The following WDR64 variants were observed in gnomAD, a reference collection of about 807,000 sequenced individuals.
The protein encoded by WDR64 is WD repeat-containing protein 64.
In WDR64, 112 loss-of-function variants were observed where a neutral mutation model predicts 139.3. That is an observed-to-expected ratio of 0.80 (90% CI 0.69 to 0.94). WDR64 has a LOEUF of 0.94. Among genes scored for constraint, WDR64 ranks in the 40% least tolerant of loss-of-function variants. The pLI is 0.00. For synonymous variants in WDR64, 444 were observed against 437.7 expected (o/e 1.01, Z -0.18); for missense variants, 1,206 against 1,293.1 (o/e 0.93, Z 1.03).
intron 13 of WDR64, 97 bp from the exon 14 acceptor site, chr1:241,749,450 G>C: frequency 2.9e-6 from 4 of 1,386,466 alleles, no homozygotes; most frequent in Non-Finnish European, 4.0e-6. Flanking sequence ...TAAATTGTTG[G>C]CAGAAAGCTT....
chr1:241,750,337 C>T (rs1437339537), intron 14 of WDR64, among the ~76,000 whole-genome samples: 1 of 152,192 alleles, frequency 6.6e-6, no homozygotes, highest in Non-Finnish European at 1.5e-5. Flanking sequence ...AACTCAAGAA[C>T]TCATTGCCTT....
intron 9 of WDR64, among the ~76,000 whole-genome samples, chr1:241,721,748 T>A (rs1668619996): frequency 6.6e-6 from 1 of 152,188 alleles, no homozygotes; most frequent in Non-Finnish European, 1.5e-5. Context: ...AAAAATATTC[T>A]ATGTTTTGTA....
chr1:241,775,231 A>G (rs1290098828), intron 21 of WDR64, 21 bp downstream of exon 21: 5 of 1,533,578 alleles, frequency 3.3e-6, no homozygotes, highest in Admixed American at 4.0e-5. Context: ...ACTCTTAGAC[A>G]TTCAGTGACA....
chr1:241,676,537 A>G, intron 4 of WDR64: 1 of 152,180 alleles, frequency 6.6e-6, no homozygotes, highest in East Asian at 1.9e-4. Flanking sequence ...AAATAATAGG[A>G]GAAGGAAAAT....
In WDR64 at chr1:241,715,810, C is replaced by A. The variant is rs576473932; in HGVS notation, c.1054+3929C>A. Among the ~76,000 whole-genome samples, 83 of 152,194 alleles carry A rather than the reference C, an allele frequency of 5.5e-4. 1 individual carries two copies. The highest frequency in any genetic ancestry group is 2.0e-3 in the African/African-American group (83 of 41,508). ...GGCTTTGTAATCTTAGTATTTTAATCATTTCTGGGGGAAAAATGTGTTTGG... is the reference window on the plus strand; with the variant it reads ...GGCTTTGTAATCTTAGTATTTTAATAATTTCTGGGGGAAAAATGTGTTTGG... On this transcript the variant is annotated intron_variant, in intron 9 of 27. Transcript: ENST00000437684.
At chr1:241,787,097 G>A (rs2148323842) in intron 23 of WDR64, among the ~76,000 whole-genome samples, 2 of 152,000 alleles carry the variant, frequency 1.3e-5, no homozygotes, top group Middle Eastern at 6.8e-3. Context: ...GCTCACACCT[G>A]TAATCCCAGC....
rs1190607260 is a variant in WDR64 at position 241,801,156 on chromosome 1, A to C, written c.3217A>C (p.Lys1073Gln). ...EKAPRRRSLK[K>Q]NLVPQINLAS... The stretch of plus-strand genomic sequence containing the variant: ...GGCACCACGAAGAAGAAGTTTGAAA[A>C]AAAATTTAGTCCCACAAATAAATCT... Residue 1073 changes from lysine to glutamine, a missense_variant, in exon 28 of 28, where the codon AAA becomes CAA. Coordinates refer to ENST00000437684, the MANE Select transcript of WDR64 (RefSeq NM_001367482.1). 1 of 1,613,644 alleles carries C rather than the reference A, an allele frequency of 6.2e-7. No homozygotes were observed. The highest frequency in any genetic ancestry group is 8.5e-7 in the Non-Finnish European group (1 of 1,179,784).
In WDR64 at chr1:241,696,113, C is replaced by CAAAAAAAAAAAAAAA. The variant is rs541301982; in HGVS notation, c.974+8532_974+8546dup. Among the ~76,000 whole-genome samples the CAAAAAAAAAAAAAAA allele has an allele frequency of 4.7e-3, 106 of 22,320 alleles. 32 individuals are homozygous for CAAAAAAAAAAAAAAA. Among genetic ancestry groups the CAAAAAAAAAAAAAAA allele is most frequent in the African/African-American group, 0.014 (98 of 7,166 alleles). The allele number at this position is 22,320 out of a possible 152,430, so 14.6% of individuals were successfully genotyped here. A position where few individuals can be genotyped will look rare whatever the true frequency, so the allele number is the denominator to read the frequency against. On this transcript the variant is annotated intron_variant, in intron 8 of 27. Transcript: ENST00000437684. ...TGTGGAATGGAATGAGACCCAGTATCAAAAAAAAAAAAAAAAAAAAAAAAA... is the reference window on the plus strand; with the variant it reads ...TGTGGAATGGAATGAGACCCAGTATCAAAAAAAAAAAAAAAAAAAAAAAAAAAAAAAAAAAAAAAA...
At position 241,801,361 on chromosome 1, in the gene WDR64, T is replaced by C. The variant is rs945124679; in HGVS notation, c.*146T>C. On this transcript the variant is annotated 3_prime_UTR_variant, in exon 28 of 28. Coordinates refer to ENST00000437684, the MANE Select transcript of WDR64 (RefSeq NM_001367482.1). ...CCATCCTATTGATGGGAAAGATTGCTTAGGGAGTTCTGGTGACCTTAACTC... is the reference window on the plus strand; with the variant it reads ...CCATCCTATTGATGGGAAAGATTGCCTAGGGAGTTCTGGTGACCTTAACTC... The C allele has an allele frequency of 1.5e-6, 1 of 670,560 alleles. No homozygotes were observed. The highest frequency in any genetic ancestry group is 2.5e-6 in the Non-Finnish European group (1 of 402,658). The allele number at this position is 670,560 out of a possible 1,614,324, so 41.5% of individuals were successfully genotyped here. A position where few individuals can be genotyped will look rare whatever the true frequency, so the allele number is the denominator to read the frequency against.
intron 24 of WDR64, 97 bp from the exon 25 acceptor site, chr1:241,790,494 A>T: frequency 1.0e-6 from 1 of 1,002,098 alleles, no homozygotes; most frequent in Non-Finnish European, 1.5e-6. Context: ...AGGAACCAAG[A>T]AATGTGGGCA....
rs182503920 is a variant in WDR64, at chr1:241,689,970, A to G, written c.974+2375A>G. Among the ~76,000 whole-genome samples, 614 of 152,264 alleles carry G rather than the reference A, an allele frequency of 4.0e-3. 4 individuals are homozygous for G. The highest frequency in any genetic ancestry group is 0.014 in the African/African-American group (585 of 41,542). On this transcript the variant is annotated intron_variant, in intron 8 of 27. Coordinates refer to ENST00000437684, the MANE Select transcript of WDR64 (RefSeq NM_001367482.1). The stretch of plus-strand genomic sequence containing the variant: ...CCAAAAACTGTGGGCAACTGTGAAA[A>G]GTGTAACATATGTGTGATGAGAACA...
chr1:241,771,736 A>G, intron 19 of WDR64, 39 bp downstream of exon 19: 2 of 1,371,982 alleles, frequency 1.5e-6, no homozygotes, highest in South Asian at 2.0e-5. Context: ...TAATAAAGCA[A>G]CTCCTTTGCA....
chr1:241,766,703 T>TAAA (rs33937120), intron 16 of WDR64, among the ~76,000 whole-genome samples: 1 of 132,380 alleles, frequency 7.6e-6, no homozygotes. Context: ...AAACTCAGTA[T>TAAA]AAAAAAAAAA....
chr1:241,733,514 A>G (rs1012615337), intron 10 of WDR64, among the ~76,000 whole-genome samples: 15 of 143,228 alleles, frequency 1.0e-4, no homozygotes, highest in Non-Finnish European at 2.1e-4. Flanking sequence ...GAGAATCATC[A>G]TTATTATTTT....
At chr1:241,777,480 C>T (rs1658695975) in intron 21 of WDR64, among the ~76,000 whole-genome samples, 1 of 150,842 alleles carries the variant, frequency 6.6e-6, no homozygotes, top group Non-Finnish European at 1.5e-5. Flanking sequence ...TGCAGTGGCA[C>T]AATCTCAGCT....
At chr1:241,661,199 T>TAGACAA (rs1665819898) in intron 2 of WDR64, among the ~76,000 whole-genome samples, 1 of 151,772 alleles carries the variant, frequency 6.6e-6, no homozygotes, top group African/African-American at 2.4e-5. Flanking sequence ...AAAGAAAAAG[T>TAGACAA]AAGAATCTAA....
chr1:241,734,650 A>G (rs1053820502), intron 10 of WDR64, among the ~76,000 whole-genome samples: 11 of 152,150 alleles, frequency 7.2e-5, no homozygotes, highest in Admixed American at 1.3e-4. Flanking sequence ...AGACATTGGG[A>G]AAAAAAAGAG....
At chr1:241,658,354 T>G (rs987049213) in intron 1 of WDR64, among the ~76,000 whole-genome samples, 13 of 151,484 alleles carry the variant, frequency 8.6e-5, no homozygotes, top group African/African-American at 3.2e-4. Flanking sequence ...TAAGAATTGC[T>G]CACCAGGCAC....
At chr1:241,782,217 G>A (rs545490645) in intron 22 of WDR64, among the ~76,000 whole-genome samples, 67 of 152,378 alleles carry the variant, frequency 4.4e-4, no homozygotes, top group South Asian at 1.2e-3. Context: ...GAAGCCAGGA[G>A]GCAGAGGTTG....
Sources: gnomAD v4.1 joint callset for allele counts (sites outside exome capture counted in the v4.1 genomes callset) on GRCh38, gnomAD v4.1.1 for gene constraint, MANE v1.5 for transcripts, NCBI Gene and HGNC (gene_info 2026-07-23, HGNC 2026-07-21) for gene names.